Variants in TFAP2C observed in about 807,000 individuals in gnomAD.
TFAP2C encodes activating enhancer-binding protein 2 gamma.
In TFAP2C, 9 loss-of-function variants were observed where a neutral mutation model predicts 42.9. The ratio of observed to expected loss-of-function variants is 0.21; its 90% CI spans 0.13 to 0.37. The LOEUF (loss-of-function observed/expected upper bound fraction) is 0.37. TFAP2C is among the 10% of genes least tolerant of loss of function. TFAP2C has a pLI of 1.00. For synonymous variants in TFAP2C, 264 were observed against 256.0 expected (o/e 1.03, Z -0.30); for missense variants, 462 against 591.7 (o/e 0.78, Z 2.27).
Position 56,630,670 on chromosome 20 carries a change from C to T in TFAP2C, c.49-535C>T, listed in dbSNP as rs1269905110. ...CCCTGCTTTCCGAGCGCCGCCCGCT[C>T]GGAGGTCTTTGTCCCGAGGGCGTGG... On this transcript the variant is annotated intron_variant, in intron 1 of 6. Transcript: ENST00000201031. This position sits in a 1 kb window ranked among gnomAD's most constrained non-coding sequence, Gnocchi z 5.1. 1.0e-6 allele frequency: 1 copy of T among 984,542 alleles called. No individual in the cohort carries two copies. The highest frequency in any genetic ancestry group is 1.2e-6 in the Non-Finnish European group (1 of 829,174). 61.0% of individuals were successfully genotyped at this position (984,542 alleles called of 1,614,324 possible).
chr20:56,635,750 C>T (rs573472041), intron 5 of TFAP2C, among the ~76,000 whole-genome samples: 1 of 152,288 alleles, frequency 6.6e-6, no homozygotes, highest in African/African-American at 2.4e-5. Flanking sequence ...GTTTACTCAT[C>T]TCAGTATCCA....
In TFAP2C at chr20:56,630,688, G is replaced by C. The variant is rs1290186746; in HGVS notation, c.49-517G>C. ...GCCCGCTCGGAGGTCTTTGTCCCGA[G>C]GGCGTGGAAGGGAGGGTCCCGGGGG... is the stretch of plus-strand genomic sequence containing the variant. On this transcript the variant is annotated intron_variant, in intron 1 of 6. Coordinates refer to ENST00000201031, the MANE Select transcript of TFAP2C (RefSeq NM_003222.4). The surrounding 1 kb of genome is among the most constrained non-coding windows in gnomAD (Gnocchi z 5.1). The C allele has an allele frequency of 1.0e-6, 1 of 985,208 alleles. No homozygotes were observed. Among genetic ancestry groups the C allele is most frequent in the Admixed American group, 6.1e-5 (1 of 16,272 alleles). The allele number at this position is 985,208 out of a possible 1,614,324, so 61.0% of individuals were successfully genotyped here.
Position 56,636,723 on chromosome 20 carries a change from G to A in TFAP2C, c.1036G>A (p.Ala346Thr), listed in dbSNP as rs756730533. The change falls in exon 6 of 7, where the codon GCA becomes ACA. Residue 346 changes from alanine to threonine, a missense_variant. Around this residue, in one of 5 missense-constraint regions of TFAP2C, gnomAD observed 130 missense variants for 160.8 expected, o/e 0.81. Transcript: ENST00000201031. Reference protein sequence around the residue: ...RPHLGGRNEMAARKNMLLAAQ... With the variant: ...RPHLGGRNEMTARKNMLLAAQ... The stretch of plus-strand genomic sequence containing the variant: ...TCATCTTGGAGGACGAAATGAGATG[G>A]CAGCTAGGAAGAACATGCTATTGGC... The A allele has an allele frequency of 1.9e-6, 3 of 1,613,348 alleles. No individual in the cohort carries two copies. The Admixed American group carries it at 5.0e-5, about 27-fold the overall frequency.
intron 6 of TFAP2C, 102 bp downstream of exon 6, chr20:56,636,856 C>A (rs1987592475): frequency 1.4e-6 from 2 of 1,391,850 alleles, no homozygotes; most frequent in African/African-American, 1.5e-5. Flanking sequence ...AAGAAATATT[C>A]TTGAAATAAA....
chr20:56,631,681 C>G lies in TFAP2C; in HGVS notation c.525C>G (p.Asp175Glu). The G allele has an allele frequency of 6.3e-7, 1 of 1,589,716 alleles. No homozygotes were observed. Among genetic ancestry groups the G allele is most frequent in the South Asian group, 1.1e-5 (1 of 87,512 alleles). Residue 175 changes from aspartate to glutamate, a missense_variant, in exon 2 of 7, where the codon GAC becomes GAG. Around this residue, in one of 5 missense-constraint regions of TFAP2C, gnomAD observed 271 missense variants for 269.7 expected, o/e 1.00. Coordinates refer to ENST00000201031, the MANE Select transcript of TFAP2C (RefSeq NM_003222.4). The surrounding 1 kb of genome is among the most constrained non-coding windows in gnomAD (Gnocchi z 6.1). ...LGLHDMPHQM[D>E]EVQNVDDQHL... ...TCCACGACATGCCTCACCAGATGGACGAGGTGCAGGTGAGCGGCGCTGCGG... is the reference window on the plus strand; with the variant it reads ...TCCACGACATGCCTCACCAGATGGAGGAGGTGCAGGTGAGCGGCGCTGCGG...
In TFAP2C at chr20:56,629,595, G is replaced by T; in HGVS notation, c.48+3G>T. 2 of 1,417,578 alleles carry T rather than the reference G, an allele frequency of 1.4e-6. No homozygotes were observed. The allele number at this position is 1,417,578 out of a possible 1,614,324, so 87.8% of individuals were successfully genotyped here. A position where few individuals can be genotyped will look rare whatever the true frequency, so the allele number is the denominator to read the frequency against. On this transcript the variant is annotated splice_donor_region_variant and intron_variant, in intron 1 of 6. Coordinates refer to ENST00000201031, the MANE Select transcript of TFAP2C (RefSeq NM_003222.4). This position sits in a 1 kb window ranked among gnomAD's most constrained non-coding sequence, Gnocchi z 5.9. ...TCAAGTACGAAGAGGACTGCGAGGT[G>T]AGCTGGGGCTCCGGGGTGCAGCCCC...
At chr20:56,634,639 T>A (rs1600898698) in intron 5 of TFAP2C, among the ~76,000 whole-genome samples, 1 of 152,290 alleles carries the variant, frequency 6.6e-6, no homozygotes, top group Non-Finnish European at 1.5e-5. Context: ...GCTGGTTACT[T>A]ACTGGTGAGC....
Position 56,638,234 on chromosome 20 carries a change from G to C in TFAP2C, c.*221G>C. 1.9e-6 allele frequency: 1 copy of C among 514,424 alleles called. No homozygotes were observed. The highest frequency in any genetic ancestry group is 3.4e-6 in the Non-Finnish European group (1 of 292,340). The allele number at this position is 514,424 out of a possible 1,614,324, so 31.9% of individuals were successfully genotyped here. On this transcript the variant is annotated 3_prime_UTR_variant, in exon 7 of 7. Transcript: ENST00000201031. ...CTAACTTTGGACCTATTATCAGAAG[G>C]TGACAAGTACTGGCTCTTTATTCAT...
intron 6 of TFAP2C, among the ~76,000 whole-genome samples, chr20:56,637,227 T>C (rs966828928): frequency 5.9e-5 from 9 of 152,128 alleles, no homozygotes; most frequent in Admixed American, 2.6e-4. Flanking sequence ...CAACAGTAAG[T>C]TGATTTGAAA....
chr20:56,631,185 G>GTT lies in TFAP2C; in HGVS notation c.49-10_49-9dup, dbSNP rs377542297. On this transcript the variant is annotated intron_variant, in intron 1 of 6. Transcript: ENST00000201031. This position sits in a 1 kb window ranked among gnomAD's most constrained non-coding sequence, Gnocchi z 6.1. ...GGGTTTCGCACTAACGGGGTCTCCT[G>GTT]TTTTTTTTTTTCCCTCCAGGATCGC... The GTT allele has an allele frequency of 1.2e-4, 146 of 1,189,178 alleles. No individual in the cohort carries two copies. The highest frequency in any genetic ancestry group is 4.6e-4 in the Admixed American group (17 of 37,116). 73.7% of individuals were successfully genotyped at this position (1,189,178 alleles called of 1,614,324 possible).
In TFAP2C at chr20:56,634,216, G is replaced by A. The variant is rs765031276; in HGVS notation, c.870G>A (p.Pro290=). ...EKLDKIGLNL[P]AGRRKAAHVT... is the part of the protein sequence containing the mutation. ...TGGACAAGATTGGGTTGAATCTTCC[G>A]GCCGGGAGGCGGAAAGCCGCTCATG... Residue 290 remains proline, a synonymous_variant, in exon 5 of 7, where the codon CCG becomes CCA. Transcript: ENST00000201031. 37 of 1,614,102 alleles carry A rather than the reference G, an allele frequency of 2.3e-5. No homozygotes were observed. The highest frequency in any genetic ancestry group is 2.9e-5 in the Non-Finnish European group (34 of 1,180,044).
In TFAP2C at chr20:56,631,607, C is replaced by G; in HGVS notation, c.451C>G (p.Pro151Ala). 6.4e-7 allele frequency: 1 copy of G among 1,563,006 alleles called. No individual in the cohort carries two copies. Among genetic ancestry groups the G allele is most frequent in the Non-Finnish European group, 8.6e-7 (1 of 1,161,788 alleles). ...CTACCGCCGCTCCGACCTGCTGCTG[C>G]CCCACGCACACGCCCTGGATGCCGC... is the stretch of plus-strand genomic sequence containing the variant. ...DAYRRSDLLLPHAHALDAAGL... is the reference protein window; with the variant it reads ...DAYRRSDLLLAHAHALDAAGL... The change falls in exon 2 of 7, where the codon CCC becomes GCC. Residue 151 changes from proline (P) to alanine (A), a missense_variant. This residue lies in a region of TFAP2C where 271 missense variants were observed against 269.7 expected (regional missense o/e 1.00). Transcript: ENST00000201031. The surrounding 1 kb of genome is among the most constrained non-coding windows in gnomAD (Gnocchi z 6.1).
At chr20:56,633,314 A>C in intron 3 of TFAP2C, 39 bp from the exon 4 acceptor site, 1 of 1,539,262 alleles carries the variant, frequency 6.5e-7, no homozygotes, top group Non-Finnish European at 8.9e-7. Flanking sequence ...TTGCTCAGAG[A>C]GAGCTCTTGT....
In TFAP2C at chr20:56,633,413, C is replaced by T; in HGVS notation, c.647C>T (p.Ala216Val). The change falls in exon 4 of 7, where the codon GCC (alanine) becomes GTC (valine). Residue 216 changes from alanine (A) to valine (V), a missense_variant. Physicochemically the swap from Ala to Val is moderately conservative, Grantham distance 64 (BLOSUM62 0). Around this residue, in one of 5 missense-constraint regions of TFAP2C, gnomAD observed 21 missense variants for 38.1 expected, o/e 0.55. Coordinates refer to ENST00000201031, the MANE Select transcript of TFAP2C (RefSeq NM_003222.4). Reference sequence around the variant, plus strand: ...CCCTGTCAGAAGGAGCTGGTGGGGGCCGTAATGAACCCCACTGAGGTCTTC... The same window carrying T: ...CCCTGTCAGAAGGAGCTGGTGGGGGTCGTAATGAACCCCACTGAGGTCTTC... Reference protein sequence around the residue: ...NLPCQKELVGAVMNPTEVFCS... With the variant: ...NLPCQKELVGVVMNPTEVFCS... The T allele has an allele frequency of 6.2e-7, 1 of 1,614,094 alleles. No homozygotes were observed. Among genetic ancestry groups the T allele is most frequent in the Non-Finnish European group, 8.5e-7 (1 of 1,180,010 alleles).
intron 5 of TFAP2C, among the ~76,000 whole-genome samples, chr20:56,636,097 C>T (rs1044809403): frequency 1.3e-5 from 2 of 152,170 alleles, no homozygotes; most frequent in African/African-American, 4.8e-5. Flanking sequence ...CTTTTCTGCT[C>T]ACATTGTGTG....
rs771721373 is a variant in TFAP2C at position 56,631,562 on chromosome 20, G to T, written c.406G>T (p.Val136Leu). 48 of 1,531,060 alleles carry T rather than the reference G, an allele frequency of 3.1e-5. No homozygotes were observed. The African/African-American group carries it at 5.6e-4, about 18-fold the overall frequency. 94.8% of individuals were successfully genotyped at this position (1,531,060 alleles called of 1,614,324 possible). Residue 136 changes from valine to leucine, a missense_variant, in exon 2 of 7, where the codon GTG becomes TTG. Physicochemically the swap from Val to Leu is conservative, Grantham distance 32. Coordinates refer to ENST00000201031, the MANE Select transcript of TFAP2C (RefSeq NM_003222.4). This position sits in a 1 kb window ranked among gnomAD's most constrained non-coding sequence, Gnocchi z 6.1. The stretch of plus-strand genomic sequence containing the variant: ...CCTCTCCGGGCTGGAGGCGGGCGCG[G>T]TGAGCGCCCGCAGGGATGCCTACCG... ...PHLSGLEAGA[V>L]SARRDAYRRS...
chr20:56,639,119 CT>C lies in TFAP2C; in HGVS notation c.*1109del, dbSNP rs1353100555. On this transcript the variant is annotated 3_prime_UTR_variant, in exon 7 of 7. Coordinates refer to ENST00000201031, the MANE Select transcript of TFAP2C (RefSeq NM_003222.4). Reference sequence around the variant, plus strand: ...AAACTCTCTGTTCAGAAAGCAATAACTTTGTCTCGTTCCTGTTGGGCTGAAC... The same window carrying C: ...AAACTCTCTGTTCAGAAAGCAATAACTTGTCTCGTTCCTGTTGGGCTGAAC... The C allele has an allele frequency of 1.3e-5, 2 of 152,548 alleles. No individual in the cohort carries two copies. The highest frequency in any genetic ancestry group is 6.6e-5 in the Admixed American group (1 of 15,262). The allele number at this position is 152,548 out of a possible 1,614,324, so 9.4% of individuals were successfully genotyped here. A position where few individuals can be genotyped will look rare whatever the true frequency, so the allele number is the denominator to read the frequency against.
rs1568751320 is a variant in TFAP2C at position 56,630,838 on chromosome 20, C to T, written c.49-367C>T. ...CTCTGCACCGGGCGTCCGGCTCCTT[C>T]GCCCCGGGCTCTGGCTCCTTCGCCC... is the stretch of plus-strand genomic sequence containing the variant. On this transcript the variant is annotated intron_variant, in intron 1 of 6. Coordinates refer to ENST00000201031, the MANE Select transcript of TFAP2C (RefSeq NM_003222.4). This position sits in a 1 kb window ranked among gnomAD's most constrained non-coding sequence, Gnocchi z 5.1. The T allele has an allele frequency of 1.0e-6, 1 of 984,058 alleles. No individual in the cohort carries two copies. 61.0% of individuals were successfully genotyped at this position (984,058 alleles called of 1,614,324 possible).
rs1245332369 is a variant in TFAP2C at position 56,629,633 on chromosome 20, A to C, written c.48+41A>C. 2 of 1,386,910 alleles carry C rather than the reference A, an allele frequency of 1.4e-6. No individual in the cohort carries two copies. Among genetic ancestry groups the C allele is most frequent in the East Asian group, 2.8e-5 (1 of 36,240 alleles). The allele number at this position is 1,386,910 out of a possible 1,614,324, so 85.9% of individuals were successfully genotyped here. On this transcript the variant is annotated intron_variant, in intron 1 of 6. Transcript: ENST00000201031. This position sits in a 1 kb window ranked among gnomAD's most constrained non-coding sequence, Gnocchi z 5.9. Reference sequence around the variant, plus strand: ...GGGGTGCAGCCCCGCCCCGCCGAGGACAGTCCGGGAGGCAGGGGCCACTGG... The same window carrying C: ...GGGGTGCAGCCCCGCCCCGCCGAGGCCAGTCCGGGAGGCAGGGGCCACTGG...
Sources: allele counts gnomAD v4.1 joint callset (sites outside exome capture counted in the v4.1 genomes callset), GRCh38; gene constraint gnomAD v4.1.1; regional missense constraint gnomAD v4.1.1; non-coding constraint Gnocchi (gnomAD v3.1); transcripts MANE v1.5; gene names NCBI Gene and HGNC (gene_info 2026-07-23, HGNC 2026-07-21).